The following ERC1 variants were observed in gnomAD, a reference collection of about 807,000 sequenced individuals.
ERC1 encodes the protein RAB6 interacting protein 2.
ERC1 carries 56 observed loss-of-function variants against 132.0 expected under a neutral mutation model. That is an observed-to-expected ratio of 0.42 (90% CI 0.34 to 0.53). The LOEUF is 0.53. Among genes scored for constraint, ERC1 ranks in the 20% least tolerant of loss-of-function variants. The probability of loss-of-function intolerance (pLI) is 0.03; values close to 1 mark genes in which losing one functional copy is unlikely to be tolerated. For synonymous variants in ERC1, 478 were observed against 476.1 expected (o/e 1.00, Z -0.05); for missense variants, 1,202 against 1,349.9 (o/e 0.89, Z 1.72).
intron 14 of ERC1, among the ~76,000 whole-genome samples, chr12:1,285,511 C>T (rs1426535677): frequency 1.3e-5 from 2 of 152,152 alleles, no homozygotes; most frequent in Non-Finnish European, 2.9e-5. Flanking sequence ...AACTACTAGT[C>T]TTGTAGGTGC....
At chr12:1,338,496 C>T (rs755573911) in intron 15 of ERC1, among the ~76,000 whole-genome samples, 15 of 152,294 alleles carry the variant, frequency 9.8e-5, no homozygotes, top group East Asian at 1.9e-4. Flanking sequence ...TGCATCTCAA[C>T]GATCTGCATT....
intron 15 of ERC1, among the ~76,000 whole-genome samples, chr12:1,300,588 G>A (rs2080310740): frequency 6.6e-6 from 1 of 151,796 alleles, no homozygotes; most frequent in Admixed American, 6.6e-5. Context: ...CATCTGTAGG[G>A]AATTTAAACA....
intron 18 of ERC1, among the ~76,000 whole-genome samples, chr12:1,451,749 C>T (rs2093429287): frequency 6.6e-6 from 1 of 152,204 alleles, no homozygotes; most frequent in African/African-American, 2.4e-5. Context: ...TTTTTATCAA[C>T]TTCCGTTATG....
At chr12:1,341,592 A>G (rs2083899633) in intron 15 of ERC1, among the ~76,000 whole-genome samples, 1 of 142,742 alleles carries the variant, frequency 7.0e-6, no homozygotes, top group Non-Finnish European at 1.5e-5. Flanking sequence ...GTTCTCACTC[A>G]TAGGTGGGAA....
At chr12:1,074,514 C>G (rs1941015668) in intron 2 of ERC1, among the ~76,000 whole-genome samples, 1 of 151,936 alleles carries the variant, frequency 6.6e-6, no homozygotes. Flanking sequence ...AAACTGGTCT[C>G]AAACTCCCCC....
intron 3 of ERC1, 24 bp from the exon 4 acceptor site, chr12:1,104,726 T>A: frequency 6.3e-7 from 1 of 1,574,944 alleles, no homozygotes; most frequent in Non-Finnish European, 8.7e-7. Flanking sequence ...GAGCACTGAA[T>A]CTCTTTCTGC....
chr12:1,295,991 AG>A (rs2079890486), intron 15 of ERC1, among the ~76,000 whole-genome samples: 1 of 144,924 alleles, frequency 6.9e-6, no homozygotes, highest in South Asian at 2.3e-4. Flanking sequence ...ACCTCTGAGG[AG>A]TCCTATTTGG....
At chr12:1,460,070 T>C (rs2093615789) in intron 18 of ERC1, among the ~76,000 whole-genome samples, 1 of 152,208 alleles carries the variant, frequency 6.6e-6, no homozygotes. Context: ...CAGAATAGAC[T>C]TAAAGATTTC....
intron 2 of ERC1, among the ~76,000 whole-genome samples, chr12:1,061,422 C>G (rs550856241): frequency 1.1e-4 from 14 of 124,152 alleles, no homozygotes; most frequent in Middle Eastern, 3.6e-3. Context: ...ATGGTGAAAC[C>G]CTGTCTCTAC....
intron 2 of ERC1, among the ~76,000 whole-genome samples, chr12:1,052,494 T>C (rs1972195324): frequency 6.6e-6 from 1 of 152,186 alleles, no homozygotes; most frequent in African/African-American, 2.4e-5. Flanking sequence ...AAAATACAAC[T>C]TTTCTGGGCT....
chr12:1,046,710 A>G (rs146909407), intron 2 of ERC1, among the ~76,000 whole-genome samples: 11 of 152,288 alleles, frequency 7.2e-5, no homozygotes, highest in African/African-American at 2.4e-4. Context: ...TATGTGCTCT[A>G]TGTTATTAAC....
chr12:1,278,007 C>CAA, intron 14 of ERC1, among the ~76,000 whole-genome samples: 1 of 152,162 alleles, frequency 6.6e-6, no homozygotes, highest in Non-Finnish European at 1.5e-5. Flanking sequence ...GAGTTTGAAT[C>CAA]CCCTTTGTTA....
At chr12:1,406,322 T>C (rs2091487257) in intron 16 of ERC1, among the ~76,000 whole-genome samples, 1 of 151,760 alleles carries the variant, frequency 6.6e-6, no homozygotes, top group South Asian at 2.1e-4. Context: ...AAATTTTTTT[T>C]ATGAAACTAG....
chr12:1,198,838 C>CT (rs1230855224), intron 12 of ERC1, among the ~76,000 whole-genome samples: 3 of 152,286 alleles, frequency 2.0e-5, no homozygotes, highest in African/African-American at 2.4e-5. Context: ...TGTGAGAACT[C>CT]TGTCACAAGA....
intron 15 of ERC1, among the ~76,000 whole-genome samples, chr12:1,338,348 T>G (rs1348994065): frequency 6.6e-6 from 1 of 152,246 alleles, no homozygotes; most frequent in Non-Finnish European, 1.5e-5. Context: ...TGTGACTGCA[T>G]TATGAAATTC....
intron 8 of ERC1, among the ~76,000 whole-genome samples, chr12:1,153,575 T>A (rs1178208053): frequency 6.6e-6 from 1 of 152,254 alleles, no homozygotes; most frequent in Non-Finnish European, 1.5e-5. Flanking sequence ...GACATATGAT[T>A]GGTACTTAAT....
chr12:1,121,753 CTCTATCTCTA>C lies in ERC1; in HGVS notation c.1569+5734_1569+5743del, dbSNP rs1418338734. On this transcript the variant is annotated intron_variant, in intron 7 of 18. Coordinates refer to ENST00000360905, the MANE Select transcript of ERC1 (RefSeq NM_178040.4). ...TATCTCTATCTCTATCTATCTCTAT[CTCTATCTCTA>C]TCTATCTCTATCTCTATCTATCTCT... 3.9e-3 allele frequency among the ~76,000 whole-genome samples: 22 copies of C among 5,574 alleles called. 2 individuals carry two copies. Among genetic ancestry groups the C allele is most frequent in the African/African-American group, 6.1e-3 (20 of 3,292 alleles). The allele number at this position is 5,574 out of a possible 152,430, so 3.7% of individuals were successfully genotyped here.
chr12:1,310,361 C>T (rs2081217641), intron 15 of ERC1, among the ~76,000 whole-genome samples: 1 of 152,060 alleles, frequency 6.6e-6, no homozygotes, highest in South Asian at 2.1e-4. Context: ...TGCGCGCCAA[C>T]AGGCCCATCT....
At chr12:1,185,593 T>C (rs1242997807) in intron 11 of ERC1, among the ~76,000 whole-genome samples, 1 of 152,186 alleles carries the variant, frequency 6.6e-6, no homozygotes, top group African/African-American at 2.4e-5. Flanking sequence ...GTGAGTGACC[T>C]AGCCAAGTGT....
Sources: allele counts gnomAD v4.1 joint callset (sites outside exome capture counted in the v4.1 genomes callset), GRCh38; gene constraint gnomAD v4.1.1; transcripts MANE v1.5; gene names NCBI Gene and HGNC (gene_info 2026-07-23, HGNC 2026-07-21).